Variants in PDGFD observed in about 807,000 individuals in gnomAD.
PDGFD encodes the protein platelet-derived growth factor D.
In PDGFD, 30 loss-of-function variants were observed where a neutral mutation model predicts 44.7. The observed-to-expected ratio is 0.67, with a 90% confidence interval of 0.50 to 0.91. PDGFD has a LOEUF of 0.91. Among genes scored for constraint, PDGFD ranks in the 40% least tolerant of loss-of-function variants. The pLI, the probability that PDGFD is intolerant of heterozygous loss-of-function variation, is 0.00. For missense variants in PDGFD, 445 were observed against 457.8 expected (o/e 0.97, Z 0.25); for synonymous variants, 173 against 168.4 (o/e 1.03, Z -0.21).
At chr11:104,088,254 T>C (rs1861163407) in intron 1 of PDGFD, among the ~76,000 whole-genome samples, 1 of 152,208 alleles carries the variant, frequency 6.6e-6, no homozygotes, top group Admixed American at 6.5e-5. Flanking sequence ...ATACACACAA[T>C]TTTACTGACT....
intron 3 of PDGFD, among the ~76,000 whole-genome samples, chr11:103,994,721 T>A (rs1416660475): frequency 6.6e-6 from 1 of 152,050 alleles, no homozygotes; most frequent in African/African-American, 2.4e-5. Flanking sequence ...CGAAAGAAAG[T>A]GAAAATTGAT....
intron 1 of PDGFD, among the ~76,000 whole-genome samples, chr11:104,009,752 A>C (rs1859755446): frequency 1.3e-5 from 2 of 152,168 alleles, no homozygotes; most frequent in Non-Finnish European, 2.9e-5. Flanking sequence ...TAAAAAGTAC[A>C]GGGTTGGAGT....
At chr11:104,155,909 C>A (rs7107580) in intron 1 of PDGFD, among the ~76,000 whole-genome samples, 66,397 of 151,996 alleles carry the variant, frequency 0.44, 14,597 homozygotes, top group East Asian at 0.61. Flanking sequence ...TCACACCCAG[C>A]AACATCTCTG....
intron 1 of PDGFD, among the ~76,000 whole-genome samples, chr11:104,137,347 A>G (rs930830822): frequency 6.6e-6 from 1 of 151,334 alleles, no homozygotes; most frequent in African/African-American, 2.4e-5. Flanking sequence ...CATTCAATCT[A>G]TGAGAAACAG....
At chr11:104,153,342 C>T (rs896357580) in intron 1 of PDGFD, among the ~76,000 whole-genome samples, 2 of 152,118 alleles carry the variant, frequency 1.3e-5, no homozygotes, top group African/African-American at 4.8e-5. Context: ...CTCCAATGTG[C>T]CAGCCAATGA....
chr11:104,072,324 T>G (rs992522028), intron 1 of PDGFD, among the ~76,000 whole-genome samples: 1 of 151,872 alleles, frequency 6.6e-6, no homozygotes, highest in African/African-American at 2.4e-5. Context: ...TTTGTTAAAT[T>G]TTTTCCTGTA....
At chr11:104,021,216 T>G (rs1418700913) in intron 1 of PDGFD, among the ~76,000 whole-genome samples, 2 of 152,218 alleles carry the variant, frequency 1.3e-5, no homozygotes, top group Non-Finnish European at 1.5e-5. Context: ...AATGACCTAC[T>G]GAATAACTAG....
rs1162530904 is a variant in PDGFD, at chr11:104,089,207, G to A, written c.124+74597C>T. Among the ~76,000 whole-genome samples, 7 of 152,288 alleles carry A rather than the reference G, an allele frequency of 4.6e-5. No homozygotes were observed. In the East Asian group the frequency reaches 1.4e-3, roughly 29 times the overall value. On this transcript the variant is annotated intron_variant, in intron 1 of 6. Transcript: ENST00000393158. Reference sequence around the variant, plus strand: ...CTGAAATATTGAAACAATTTGGATAGGTGATAAATATCAGGGTTCCTTTGG... The same window carrying A: ...CTGAAATATTGAAACAATTTGGATAAGTGATAAATATCAGGGTTCCTTTGG...
At chr11:104,014,445 A>G (rs1859830585) in intron 1 of PDGFD, among the ~76,000 whole-genome samples, 1 of 152,204 alleles carries the variant, frequency 6.6e-6, no homozygotes, top group African/African-American at 2.4e-5. Flanking sequence ...ATAGTGAGCT[A>G]TGACTACACC....
chr11:104,116,286 G>T (rs1375500930), intron 1 of PDGFD, among the ~76,000 whole-genome samples: 1 of 152,016 alleles, frequency 6.6e-6, no homozygotes, highest in African/African-American at 2.4e-5. Context: ...GTTGAATAGG[G>T]TGTCCTTTTC....
chr11:104,090,975 G>A (rs566679218), intron 1 of PDGFD, among the ~76,000 whole-genome samples: 151 of 152,056 alleles, frequency 9.9e-4, no homozygotes, highest in Non-Finnish European at 1.6e-3. Flanking sequence ...CTGCAAACTC[G>A]TTTCTCAAAA....
intron 6 of PDGFD, among the ~76,000 whole-genome samples, chr11:103,915,892 C>T (rs12146587): frequency 0.46 from 69,627 of 151,932 alleles, 16,058 homozygotes; most frequent in South Asian, 0.49. Context: ...TAGCCATATG[C>T]AGAAAGCTGA....
chr11:103,931,727 C>T (rs1175464787), intron 5 of PDGFD, among the ~76,000 whole-genome samples: 4 of 152,136 alleles, frequency 2.6e-5, no homozygotes, highest in African/African-American at 9.7e-5. Flanking sequence ...GCTGGGACTA[C>T]AGGTGTGTGC....
intron 3 of PDGFD, among the ~76,000 whole-genome samples, chr11:103,955,219 A>G (rs1490349786): frequency 1.4e-5 from 2 of 147,294 alleles, no homozygotes; most frequent in Admixed American, 6.8e-5. Flanking sequence ...ACAGTAATGA[A>G]CAAACACATG....
intron 1 of PDGFD, among the ~76,000 whole-genome samples, chr11:104,052,437 TC>T (rs1475460090): frequency 2.0e-5 from 3 of 151,986 alleles, no homozygotes; most frequent in Admixed American, 1.3e-4. Context: ...GTTAGCCTTT[TC>T]TTTACTTTTA....
intron 1 of PDGFD, among the ~76,000 whole-genome samples, chr11:104,055,118 G>A (rs1044347234): frequency 1.3e-5 from 2 of 152,160 alleles, no homozygotes; most frequent in Non-Finnish European, 2.9e-5. Context: ...TCCTTGGCAG[G>A]GACAAGGTCA....
intron 6 of PDGFD, among the ~76,000 whole-genome samples, chr11:103,912,209 A>C (rs1020202594): frequency 3.3e-5 from 5 of 152,226 alleles, no homozygotes; most frequent in African/African-American, 9.6e-5. Flanking sequence ...GAAGGAAAAA[A>C]TGTTAAGGGC....
intron 3 of PDGFD, among the ~76,000 whole-genome samples, chr11:103,960,991 C>T (rs1858927021): frequency 6.6e-6 from 1 of 152,154 alleles, no homozygotes; most frequent in Admixed American, 6.6e-5. Context: ...ATTAGGATTT[C>T]AACAGATGAG....
chr11:104,135,779 G>A (rs552643421), intron 1 of PDGFD, among the ~76,000 whole-genome samples: 1 of 152,256 alleles, frequency 6.6e-6, no homozygotes, highest in Non-Finnish European at 1.5e-5. Flanking sequence ...GTTTGGTCCT[G>A]CACTTAATGA....
Sources: gnomAD v4.1 joint callset for allele counts (sites outside exome capture counted in the v4.1 genomes callset) on GRCh38, gnomAD v4.1.1 for gene constraint, MANE v1.5 for transcripts, NCBI Gene and HGNC (gene_info 2026-07-23, HGNC 2026-07-21) for gene names.